The following PLPPR1 variants were observed in gnomAD, a reference collection of about 807,000 sequenced individuals.
The protein encoded by PLPPR1 is phospholipid phosphatase related 1, also known as phospholipid phosphatase-related protein type 1.
A neutral mutation model predicts 33.1 loss-of-function variants in PLPPR1; 10 were observed. That is an observed-to-expected ratio of 0.30 (90% confidence interval 0.19 to 0.51). The LOEUF is 0.51. Among genes scored for constraint, PLPPR1 ranks in the 20% least tolerant of loss-of-function variants. PLPPR1 has a pLI of 0.97. For synonymous variants in PLPPR1, 151 were observed against 151.0 expected, an observed-to-expected ratio of 1.00 and a Z score of 0.00; for missense variants, 304 against 408.1, an observed-to-expected ratio of 0.74 and a Z score of 2.20.
chr9:101,174,983 G>C (rs568683529), intron 1 of PLPPR1, among the ~76,000 whole-genome samples: 1 of 152,126 alleles, frequency 6.6e-6, no homozygotes, highest in Non-Finnish European at 1.5e-5. Flanking sequence ...TGTGCATAAT[G>C]AGCTTCAAGT....
chr9:101,129,253 A>G lies in PLPPR1; in HGVS notation c.-45-56197A>G, dbSNP rs563593835. Among the ~76,000 whole-genome samples, 284 of 152,284 alleles carry G rather than the reference A, an allele frequency of 1.9e-3. 2 individuals carry two copies. In the South Asian group the frequency reaches 0.021, roughly 11 times the overall value. On this transcript the variant is annotated intron_variant, in intron 1 of 7. Transcript: ENST00000374874. ...AAGTGATGGAGCAATTGGAACTCTC[A>G]TTCACCACTGGTGATAATGTGAAAT...
At chr9:101,170,526 A>AAG (rs1825926266) in intron 1 of PLPPR1, among the ~76,000 whole-genome samples, 1 of 152,220 alleles carries the variant, frequency 6.6e-6, no homozygotes, top group Non-Finnish European at 1.5e-5. Flanking sequence ...GCTATAATTC[A>AAG]AGATGAGATC....
chr9:101,236,277 A>G (rs1218657833), intron 2 of PLPPR1, among the ~76,000 whole-genome samples: 1 of 151,714 alleles, frequency 6.6e-6, no homozygotes. Context: ...TAACTTCCAA[A>G]TACCTATTGG....
At chr9:101,049,177 T>C (rs1034894077) in intron 1 of PLPPR1, among the ~76,000 whole-genome samples, 1 of 152,248 alleles carries the variant, frequency 6.6e-6, no homozygotes, top group Non-Finnish European at 1.5e-5. Context: ...TTTTGGGACT[T>C]AATTGGCAAA....
At chr9:101,116,526 G>A (rs1325790038) in intron 1 of PLPPR1, among the ~76,000 whole-genome samples, 1 of 152,094 alleles carries the variant, frequency 6.6e-6, no homozygotes, top group African/African-American at 2.4e-5. Flanking sequence ...TAGAAATGCA[G>A]GATAACGGCT....
intron 3 of PLPPR1, among the ~76,000 whole-genome samples, chr9:101,278,113 G>A (rs1008826569): frequency 6.6e-6 from 1 of 152,254 alleles, no homozygotes; most frequent in South Asian, 2.1e-4. Context: ...TGTATTCTGG[G>A]AATTCTAAAT....
intron 1 of PLPPR1, among the ~76,000 whole-genome samples, chr9:101,124,732 G>A (rs759505253): frequency 3.3e-5 from 5 of 151,998 alleles, no homozygotes; most frequent in Non-Finnish European, 7.4e-5. Context: ...GATGTTTCGT[G>A]GGCACCCACA....
chr9:101,092,872 T>A (rs1588024800), intron 1 of PLPPR1, among the ~76,000 whole-genome samples: 1 of 152,284 alleles, frequency 6.6e-6, no homozygotes, highest in African/African-American at 2.4e-5. Flanking sequence ...ATGGGATTAG[T>A]GTCCTTATAA....
chr9:101,186,734 C>T (rs906750813), intron 2 of PLPPR1, among the ~76,000 whole-genome samples: 2 of 151,762 alleles, frequency 1.3e-5, no homozygotes, highest in Non-Finnish European at 2.9e-5. Flanking sequence ...TGAGTTTCAC[C>T]TTATAGACAT....
chr9:101,085,232 T>C (rs1209437401), intron 1 of PLPPR1, among the ~76,000 whole-genome samples: 4 of 152,140 alleles, frequency 2.6e-5, no homozygotes, highest in Admixed American at 2.6e-4. Context: ...CTGGCCCCAG[T>C]TGTCTCCAAG....
At chr9:101,178,472 CT>C (rs925533298) in intron 1 of PLPPR1, among the ~76,000 whole-genome samples, 2 of 152,188 alleles carry the variant, frequency 1.3e-5, no homozygotes, top group Non-Finnish European at 2.9e-5. Flanking sequence ...TCACGCAATG[CT>C]TCTGGCAAGA....
intron 2 of PLPPR1, among the ~76,000 whole-genome samples, chr9:101,240,632 C>A (rs948543934): frequency 1.1e-4 from 17 of 152,052 alleles, no homozygotes; most frequent in African/African-American, 4.1e-4. Flanking sequence ...TTCAATCTCA[C>A]GGTTCCTTCA....
intron 1 of PLPPR1, among the ~76,000 whole-genome samples, chr9:101,092,656 T>C (rs954646906): frequency 2.6e-5 from 4 of 152,122 alleles, no homozygotes; most frequent in Admixed American, 1.3e-4. Flanking sequence ...TGAATTCCCA[T>C]GTCCATGCTT....
intron 2 of PLPPR1, 116 bp downstream of exon 2, chr9:101,185,673 G>C: frequency 6.4e-6 from 4 of 620,792 alleles, no homozygotes; most frequent in Non-Finnish European, 8.3e-6. Flanking sequence ...AATTTTGATA[G>C]CACAAATATT....
At chr9:101,271,371 C>G (rs1265263683) in intron 3 of PLPPR1, among the ~76,000 whole-genome samples, 2 of 152,110 alleles carry the variant, frequency 1.3e-5, no homozygotes, top group African/African-American at 4.8e-5. Context: ...AACAGGGAAA[C>G]AAAAAACCTG....
chr9:101,112,112 G>A (rs1331276988), intron 1 of PLPPR1, among the ~76,000 whole-genome samples: 1 of 152,122 alleles, frequency 6.6e-6, no homozygotes, highest in Non-Finnish European at 1.5e-5. Flanking sequence ...AGACAATGCA[G>A]TTTTACAATG....
chr9:101,209,947 A>C (rs1826660053), intron 2 of PLPPR1, among the ~76,000 whole-genome samples: 1 of 152,254 alleles, frequency 6.6e-6, no homozygotes, highest in Non-Finnish European at 1.5e-5. Flanking sequence ...GTATAAGCCC[A>C]GGAATAATGT....
Position 101,309,337 on chromosome 9 carries a change from C to A in PLPPR1, c.512C>A (p.Ala171Glu). ...KPNYTSADCQ[A>E]HHQFINNGNI... Reference sequence around the variant, plus strand: ...AACTACACCAGTGCAGACTGCCAAGCGCACCACCAGTTTATAAACAATGGG... The same window carrying A: ...AACTACACCAGTGCAGACTGCCAAGAGCACCACCAGTTTATAAACAATGGG... The change falls in exon 5 of 8, where the codon GCG (alanine) becomes GAG (glutamate). Residue 171 changes from alanine to glutamate, a missense_variant. Transcript: ENST00000374874. The A allele has an allele frequency of 1.9e-6, 3 of 1,614,108 alleles. No homozygotes were observed. Among genetic ancestry groups the A allele is most frequent in the East Asian group, 2.2e-5 (1 of 44,874 alleles).
chr9:101,196,628 G>A (rs929610931), intron 2 of PLPPR1, among the ~76,000 whole-genome samples: 3 of 152,190 alleles, frequency 2.0e-5, no homozygotes, highest in African/African-American at 2.4e-5. Context: ...TTGGGAGGCC[G>A]AGGCGGGCGG....
Sources: gnomAD v4.1 joint callset for allele counts (sites outside exome capture counted in the v4.1 genomes callset) on GRCh38, gnomAD v4.1.1 for gene constraint, MANE v1.5 for transcripts, NCBI Gene and HGNC (gene_info 2026-07-23, HGNC 2026-07-21) for gene names.